The following MEP1A variants were observed in gnomAD, a reference collection of about 807,000 sequenced individuals.
MEP1A encodes meprin A subunit alpha.
MEP1A carries 68 observed loss-of-function variants against 84.5 expected under a neutral mutation model. The ratio of observed to expected loss-of-function variants is 0.80; its 90% CI spans 0.66 to 0.98. The LOEUF is 0.98. MEP1A is among the 50% of genes least tolerant of loss of function. The pLI, the probability that MEP1A is intolerant of heterozygous loss-of-function variation, is 0.00. For synonymous variants in MEP1A, 337 were observed against 336.8 expected (o/e 1.00, Z -0.01); for missense variants, 887 against 919.9 (o/e 0.96, Z 0.46).
chr6:46,809,484 T>A lies in MEP1A; in HGVS notation c.327T>A (p.Asp109Glu), dbSNP rs1767439906. 6.2e-7 allele frequency: 1 copy of A among 1,610,640 alleles called. No individual in the cohort carries two copies. ...FEMFRLKSCV[D>E]FKPYEGESSY... is the part of the protein sequence containing the mutation. ...TGTTCCGTCTCAAGTCCTGTGTGGA[T>A]TTCAAGCCCTATGAAGGAGAGAGCT... The change falls in exon 6 of 14, where the codon GAT (aspartate) becomes GAA (glutamate). Residue 109 changes from aspartate to glutamate, a missense_variant. Physicochemically the swap from Asp to Glu is conservative, Grantham distance 45 (BLOSUM62 2). Transcript: ENST00000230588.
chr6:46,831,230 C>G (rs1321722340), intron 10 of MEP1A, among the ~76,000 whole-genome samples: 1 of 152,144 alleles, frequency 6.6e-6, no homozygotes, highest in East Asian at 1.9e-4. Flanking sequence ...TTAAGACAGT[C>G]GCAACCAATT....
chr6:46,840,812 TC>T (rs765348221), downstream of MEP1A, among the ~76,000 whole-genome samples: 1 of 152,196 alleles, frequency 6.6e-6, no homozygotes. Context: ...TAGGAAGCTA[TC>T]CTGTCACCAG....
At chr6:46,832,211 G>T (rs1768092894) in intron 10 of MEP1A, among the ~76,000 whole-genome samples, 1 of 152,150 alleles carries the variant, frequency 6.6e-6, no homozygotes, top group Non-Finnish European at 1.5e-5. Context: ...TCCTCTTCAA[G>T]CCCAACTCTA....
At chr6:46,803,874 T>G (rs1323873652) in intron 5 of MEP1A, among the ~76,000 whole-genome samples, 1 of 151,678 alleles carries the variant, frequency 6.6e-6, no homozygotes, top group Non-Finnish European at 1.5e-5. Flanking sequence ...GATAAAAGTA[T>G]GTTTACATTT....
At chr6:46,809,248 G>A (rs1219718207) in intron 5 of MEP1A, among the ~76,000 whole-genome samples, 172 bp from the exon 6 acceptor site, 1 of 152,028 alleles carries the variant, frequency 6.6e-6, no homozygotes, top group African/African-American at 2.4e-5. Flanking sequence ...TTTTGCAGAT[G>A]TCCACAACCA....
intron 5 of MEP1A, among the ~76,000 whole-genome samples, chr6:46,803,903 G>A (rs1441880599): frequency 4.0e-5 from 6 of 151,546 alleles, no homozygotes; most frequent in South Asian, 4.1e-4. Flanking sequence ...ATTGTCCTTA[G>A]CGTTAATATT....
intron 7 of MEP1A, among the ~76,000 whole-genome samples, chr6:46,821,598 G>A (rs1258835770): frequency 1.3e-5 from 2 of 152,164 alleles, no homozygotes; most frequent in Non-Finnish European, 2.9e-5. Flanking sequence ...TTACCTTCCT[G>A]TACATATACT....
intron 6 of MEP1A, among the ~76,000 whole-genome samples, chr6:46,814,808 G>GT (rs960067498): frequency 2.6e-5 from 4 of 152,188 alleles, no homozygotes; most frequent in Middle Eastern, 3.2e-3. Context: ...TGTAGTGATT[G>GT]TTTTTGCTCT....
chr6:46,818,305 T>C (rs1767687299), intron 6 of MEP1A, among the ~76,000 whole-genome samples: 1 of 152,330 alleles, frequency 6.6e-6, no homozygotes, highest in African/African-American at 2.4e-5. Context: ...ATCAAATCTG[T>C]TAGCCTTTGA....
rs1408045413 is a variant in MEP1A at position 46,833,408 on chromosome 6, C to T, written c.1479C>T (p.Asn493=). 10 of 1,614,006 alleles carry T rather than the reference C, an allele frequency of 6.2e-6. No homozygotes were observed. The highest frequency in any genetic ancestry group is 1.6e-4 in the Middle Eastern group (1 of 6,084). Residue 493 remains asparagine (N), a synonymous_variant, in exon 11 of 14, where the codon AAC becomes AAT. Transcript: ENST00000230588. ...RLAFHVCSGE[N]DAILEWPVEN... is the part of the protein sequence containing the mutation. ...CTTTTCATGTGTGCAGTGGGGAGAA[C>T]GATGCTATCCTGGAGTGGCCGGTAG... is the stretch of plus-strand genomic sequence containing the variant.
At chr6:46,800,812 A>G (rs1767183494) in intron 5 of MEP1A, among the ~76,000 whole-genome samples, 1 of 151,664 alleles carries the variant, frequency 6.6e-6, no homozygotes, top group South Asian at 2.1e-4. Flanking sequence ...TCCCATCCCC[A>G]CTCCTTAAGA....
At chr6:46,829,679 C>T (rs1489375911) in intron 10 of MEP1A, 108 bp downstream of exon 10, 3 of 773,014 alleles carry the variant, frequency 3.9e-6, no homozygotes, top group Non-Finnish European at 6.7e-6. Flanking sequence ...CTCTCCTCCT[C>T]CTTTTCCTCC....
chr6:46,826,015 ATTCTGTTCAATAAGTATG>A (rs1767935502), intron 8 of MEP1A, among the ~76,000 whole-genome samples: 1 of 152,188 alleles, frequency 6.6e-6, no homozygotes, highest in South Asian at 2.1e-4. Context: ...AAAATGTTTG[ATTCTGTTCAATAAGTATG>A]TACAAAAGAC....
intron 13 of MEP1A, 132 bp downstream of exon 13, chr6:46,835,681 T>G (rs1019263986): frequency 4.0e-5 from 39 of 979,912 alleles, no homozygotes; most frequent in Non-Finnish European, 5.7e-5. Flanking sequence ...GCGGTTTTCT[T>G]TGACTCTACA....
At chr6:46,794,383 G>A (rs571560981) in intron 3 of MEP1A, among the ~76,000 whole-genome samples, 32 of 152,274 alleles carry the variant, frequency 2.1e-4, no homozygotes, top group Non-Finnish European at 3.7e-4. Context: ...GCTTTTATAT[G>A]CAATTGCATA....
chr6:46,807,791 GAAAGA>G (rs1562107027), intron 5 of MEP1A, among the ~76,000 whole-genome samples: 57 of 134,562 alleles, frequency 4.2e-4, no homozygotes, highest in African/African-American at 1.4e-3. Flanking sequence ...AAGAAAGAAA[GAAAGA>G]AAGAAAGAAA....
intron 1 of MEP1A, 28 bp from the exon 2 acceptor site, chr6:46,793,524 C>A: frequency 6.4e-7 from 1 of 1,569,700 alleles, no homozygotes; most frequent in Non-Finnish European, 8.7e-7. Flanking sequence ...TATACATTAT[C>A]CATTTTCTGT....
At chr6:46,828,828 T>G (rs1260478110) in intron 9 of MEP1A, among the ~76,000 whole-genome samples, 3 of 152,212 alleles carry the variant, frequency 2.0e-5, no homozygotes. Context: ...TGAATAGCCC[T>G]TCTTATAATA....
At position 46,825,280 on chromosome 6, in the gene MEP1A, C is replaced by A. The variant is rs749883608; in HGVS notation, c.565C>A (p.His189Asn). 1 of 1,610,056 alleles carries A rather than the reference C, an allele frequency of 6.2e-7. No individual in the cohort carries two copies. The highest frequency in any genetic ancestry group is 8.5e-7 in the Non-Finnish European group (1 of 1,177,548). The change falls in exon 8 of 14, where the codon CAC becomes AAC. Residue 189 changes from histidine (H) to asparagine (N), a missense_variant. Physicochemically the swap from His to Asn is moderately conservative, Grantham distance 68. Transcript: ENST00000230588. ...WWDQILSGYQHNFDTYDDSLI... is the reference protein window; with the variant it reads ...WWDQILSGYQNNFDTYDDSLI... ...GATTCTCTCCCTAACAGGTTACCAGCACAACTTTGACACCTATGATGATAG... is the reference window on the plus strand; with the variant it reads ...GATTCTCTCCCTAACAGGTTACCAGAACAACTTTGACACCTATGATGATAG...
Sources: allele counts gnomAD v4.1 joint callset (sites outside exome capture counted in the v4.1 genomes callset), GRCh38; gene constraint gnomAD v4.1.1; transcripts MANE v1.5; gene names NCBI Gene and HGNC (gene_info 2026-07-23, HGNC 2026-07-21).